The following CDH15 variants were observed in gnomAD, a reference collection of about 807,000 sequenced individuals.
The protein encoded by CDH15 is cadherin 15.
CDH15 carries 73 observed loss-of-function variants against 69.4 expected under a neutral mutation model. The observed-to-expected ratio is 1.05, with a 90% CI of 0.87 to 1.28. The LOEUF (loss-of-function observed/expected upper bound fraction) is 1.28. Ranked by LOEUF, CDH15 falls within the 50% of genes most tolerant of loss-of-function variation. CDH15 has a pLI of 0.00. For synonymous variants in CDH15, 624 were observed against 507.7 expected (o/e 1.23, Z -3.08); for missense variants, 1,343 against 1,133.6 (o/e 1.18, Z -2.65).
chr16:89,179,143 C>T (rs1021808150), intron 1 of CDH15, among the ~76,000 whole-genome samples: 2 of 152,234 alleles, frequency 1.3e-5, no homozygotes, highest in African/African-American at 4.8e-5. Flanking sequence ...GTAGGAGACT[C>T]GGGGGCAGCT....
chr16:89,173,459 C>T (rs1228351047), intron 1 of CDH15, among the ~76,000 whole-genome samples: 2 of 152,212 alleles, frequency 1.3e-5, no homozygotes, highest in African/African-American at 4.8e-5. Context: ...TCTTTTCTCG[C>T]CCAGGGCTGG....
chr16:89,191,503 G>A, intron 9 of CDH15, 31 bp downstream of exon 9: 2 of 1,609,634 alleles, frequency 1.2e-6, no homozygotes, highest in Non-Finnish European at 1.7e-6. Context: ...GGGGCTCCCT[G>A]ACCTGGCCTT....
intron 13 of CDH15, 140 bp from the exon 14 acceptor site, chr16:89,194,722 T>C: frequency 1.2e-6 from 1 of 827,828 alleles, no homozygotes. Flanking sequence ...TTGCCTCCCC[T>C]CAGACCTCGC....
chr16:89,179,209 G>T (rs915961365), intron 1 of CDH15, among the ~76,000 whole-genome samples: 1 of 152,226 alleles, frequency 6.6e-6, no homozygotes, highest in African/African-American at 2.4e-5. Flanking sequence ...CCCTGGCTCA[G>T]TCCGACGGGG....
intron 3 of CDH15, among the ~76,000 whole-genome samples, chr16:89,181,269 G>A (rs1915372109): frequency 6.6e-6 from 1 of 152,170 alleles, no homozygotes; most frequent in East Asian, 1.9e-4. Flanking sequence ...GGGCAGTGGG[G>A]TTAGTCAGGG....
intron 5 of CDH15, chr16:89,185,539 G>A: frequency 1.5e-6 from 1 of 668,394 alleles, no homozygotes; most frequent in Non-Finnish European, 2.6e-6. Flanking sequence ...GGTGGGAGGG[G>A]TCTGGTGCAA....
intron 1 of CDH15, among the ~76,000 whole-genome samples, chr16:89,176,701 G>C (rs929984960): frequency 6.7e-6 from 1 of 150,000 alleles, no homozygotes; most frequent in African/African-American, 2.5e-5. Context: ...GGAGCAGGCC[G>C]CGAAGACGGT....
chr16:89,184,352 C>G lies in CDH15; in HGVS notation c.502+660C>G, dbSNP rs567356857. 3.4e-3 allele frequency among the ~76,000 whole-genome samples: 518 copies of G among 152,296 alleles called. 3 individuals are homozygous for G. Among genetic ancestry groups the G allele is most frequent in the African/African-American group, 0.011 (472 of 41,556 alleles). ...GCCAGGAGCTGCTCCCCAGGGTGGCCCAAAGCCCGTCCTTCCCACCCCACC... is the reference window on the plus strand; with the variant it reads ...GCCAGGAGCTGCTCCCCAGGGTGGCGCAAAGCCCGTCCTTCCCACCCCACC... On this transcript the variant is annotated intron_variant, in intron 4 of 13. Transcript: ENST00000289746.
chr16:89,175,571 G>T (rs915342288), intron 1 of CDH15, among the ~76,000 whole-genome samples: 1 of 152,212 alleles, frequency 6.6e-6, no homozygotes, highest in African/African-American at 2.4e-5. Flanking sequence ...AAAGGGGAGG[G>T]GGAGAGGGAG....
Position 89,190,267 on chromosome 16 carries a change from C to T in CDH15, c.1003C>T (p.His335Tyr). 8.7e-6 allele frequency: 14 copies of T among 1,612,754 alleles called. No homozygotes were observed. Among genetic ancestry groups the T allele is most frequent in the Non-Finnish European group, 8.5e-6 (10 of 1,179,890 alleles). The change falls in exon 8 of 14, where the codon CAC (histidine) becomes TAC (tyrosine). Residue 335 changes from histidine to tyrosine, a missense_variant. Physicochemically the swap from His to Tyr is moderately conservative, Grantham distance 83. Coordinates refer to ENST00000289746, the MANE Select transcript of CDH15 (RefSeq NM_004933.3). Reference protein sequence around the residue: ...VKALDYESCEHYELKVSVQNE... With the variant: ...VKALDYESCEYYELKVSVQNE... ...GGCCCTGGACTATGAGAGCTGTGAA[C>T]ACTACGAACTCAAAGTGTCGGTGCA...
rs764700365 is a variant in CDH15 at position 89,195,135 on chromosome 16, C to G, written c.2425C>G (p.His809Asp). The G allele has an allele frequency of 6.3e-7, 1 of 1,598,692 alleles. No individual in the cohort carries two copies. The highest frequency in any genetic ancestry group is 8.5e-7 in the Non-Finnish European group (1 of 1,172,108). Residue 809 changes from histidine to aspartate, a missense_variant, in exon 14 of 14, where the codon CAC becomes GAC. His to Asp is a moderately conservative substitution (Grantham distance 81, BLOSUM62 -1). Transcript: ENST00000289746. ...GLSPGALLPR[H>D]RGRTA is the part of the protein sequence containing the mutation. ...TTCTCCTGGGGCACTGCTACCCAGA[C>G]ACAGAGGCCGGACAGCCTGACCCTG...
chr16:89,183,790 G>C, intron 4 of CDH15, 98 bp downstream of exon 4: 1 of 1,307,242 alleles, frequency 7.6e-7, no homozygotes, highest in Non-Finnish European at 1.0e-6. Context: ...AGGCCCCTCA[G>C]AGTCTAAAAA....
intron 1 of CDH15, among the ~76,000 whole-genome samples, chr16:89,172,194 T>C (rs1915171846): frequency 6.6e-6 from 1 of 151,480 alleles, no homozygotes; most frequent in Admixed American, 6.6e-5. Context: ...GGTCTGGGGG[T>C]TGCCAGTCTT....
At chr16:89,193,989 C>T (rs1915726195) in intron 13 of CDH15, 76 bp downstream of exon 13, 8 of 1,476,564 alleles carry the variant, frequency 5.4e-6, no homozygotes, top group Non-Finnish European at 6.5e-6. Context: ...TACACACCTG[C>T]ACATGCATGC....
chr16:89,186,450 C>G (rs189637802), intron 5 of CDH15, among the ~76,000 whole-genome samples: 1 of 137,170 alleles, frequency 7.3e-6, no homozygotes, highest in African/African-American at 2.8e-5. Context: ...GCTCACCCAG[C>G]GCACAGAAGG....
intron 8 of CDH15, among the ~76,000 whole-genome samples, chr16:89,190,711 G>A (rs967873058): frequency 6.6e-6 from 1 of 152,092 alleles, no homozygotes; most frequent in African/African-American, 2.4e-5. Context: ...TCCAGCCTGT[G>A]CACGCCAGTC....
intron 13 of CDH15, 124 bp downstream of exon 13, chr16:89,194,037 G>A: frequency 9.1e-7 from 1 of 1,093,598 alleles, no homozygotes; most frequent in African/African-American, 1.6e-5. Context: ...GGCCGTCCCA[G>A]AGCACCGCAG....
chr16:89,180,131 A>G (rs1473513396), intron 2 of CDH15, 69 bp from the exon 3 acceptor site: 2 of 1,559,266 alleles, frequency 1.3e-6, no homozygotes, highest in Non-Finnish European at 1.8e-6. Flanking sequence ...GAGGGGCCTG[A>G]GGGGCTGCAG....
chr16:89,191,967 G>T, intron 10 of CDH15, 73 bp downstream of exon 10: 1 of 1,416,392 alleles, frequency 7.1e-7, no homozygotes, highest in Non-Finnish European at 9.5e-7. Context: ...CCTCGGACGG[G>T]GGCAGGAGGG....
Sources: allele counts gnomAD v4.1 joint callset (sites outside exome capture counted in the v4.1 genomes callset), GRCh38; gene constraint gnomAD v4.1.1; transcripts MANE v1.5; gene names NCBI Gene and HGNC (gene_info 2026-07-23, HGNC 2026-07-21).